The following NEB variants were observed in gnomAD, a reference collection of about 807,000 sequenced individuals.
The protein encoded by NEB is nebulin.
In NEB, 512 loss-of-function variants were observed where a neutral mutation model predicts 952.2. The ratio of observed to expected loss-of-function variants is 0.54; its 90% CI spans 0.50 to 0.58. The LOEUF (loss-of-function observed/expected upper bound fraction) is 0.58, where lower values mean the gene tolerates loss of function less well. Among genes scored for constraint, NEB ranks in the 20% least tolerant of loss-of-function variants. The pLI is 0.00. For synonymous variants in NEB, 2,900 were observed against 3,149.8 expected, an observed-to-expected ratio of 0.92 and a Z score of 2.66; for missense variants, 8,428 against 9,231.1, an observed-to-expected ratio of 0.91 and a Z score of 3.56.
rs543770578 is a variant in NEB, at chr2:151,643,151, T to G, written c.8159A>C (p.His2720Pro). 6.2e-7 allele frequency: 1 copy of G among 1,609,968 alleles called. No homozygotes were observed. Among genetic ancestry groups the G allele is most frequent in the Non-Finnish European group, 8.5e-7 (1 of 1,176,796 alleles). Reference protein sequence around the residue: ...LAKNNAITMNHRLYTEAWDKD... With the variant: ...LAKNNAITMNPRLYTEAWDKD... ...TCCTCAAACAAACATAGGACTTACA[T>G]GATTCATGGTAATAGCATTGTTTTT... The change falls in exon 58 of 182, where the codon CAT becomes CCT. Residue 2720 changes from histidine to proline, a missense_variant and splice_region_variant. His to Pro is a moderately conservative substitution (Grantham distance 77). Around this residue, in one of 11 missense-constraint regions of NEB, gnomAD observed 1,772 missense variants for 1,960.3 expected, o/e 0.90. Transcript: ENST00000397345.
At position 151,502,896 on chromosome 2, in the gene NEB, C is replaced by A. The variant is rs1429052380; in HGVS notation, c.23836-11G>T. ...TTCTTTGTACAAAACCTGTGAGATA[C>A]AAGAAAGTACCCAGAGGACATTTAA... On this transcript the variant is annotated splice_polypyrimidine_tract_variant and intron_variant, in intron 166 of 181. Coordinates refer to ENST00000397345, the MANE Select transcript of NEB (RefSeq NM_001164508.2). The A allele has an allele frequency of 6.7e-7, 1 of 1,488,698 alleles. No individual in the cohort carries two copies. Among genetic ancestry groups the A allele is most frequent in the Non-Finnish European group, 9.3e-7 (1 of 1,074,500 alleles). The allele number at this position is 1,488,698 out of a possible 1,614,324, so 92.2% of individuals were successfully genotyped here.
At position 151,629,680 on chromosome 2, in the gene NEB, G is replaced by A. The variant is rs182011930; in HGVS notation, c.9724-34C>T. ...AGAAAGGCAAAGAGTTAAAGCAAAA[G>A]GTTTGACATCAACAATTCAGAGATT... is the stretch of plus-strand genomic sequence containing the variant. On this transcript the variant is annotated intron_variant, in intron 67 of 181. Coordinates refer to ENST00000397345, the MANE Select transcript of NEB (RefSeq NM_001164508.2). The A allele has an allele frequency of 1.4e-5, 22 of 1,542,314 alleles. No homozygotes were observed. The South Asian group carries it at 2.1e-4, about 15-fold the overall frequency.
At chr2:151,644,908 C>T (rs973594019) in intron 55 of NEB, among the ~76,000 whole-genome samples, 6 of 152,150 alleles carry the variant, frequency 3.9e-5, no homozygotes, top group Admixed American at 6.5e-5. Context: ...CTAGATGGTA[C>T]GGCCTAGTAC....
At position 151,614,434 on chromosome 2, in the gene NEB, A is replaced by G. The variant is rs2153992410; in HGVS notation, c.11443T>C (p.Phe3815Leu). 3 of 1,613,854 alleles carry G rather than the reference A, an allele frequency of 1.9e-6. No homozygotes were observed. Among genetic ancestry groups the G allele is most frequent in the Non-Finnish European group, 2.5e-6 (3 of 1,179,836 alleles). The change falls in exon 77 of 182, where the codon TTC (phenylalanine) becomes CTC (leucine). Residue 3815 changes from phenylalanine to leucine, a missense_variant. This residue lies in a region of NEB where 1,772 missense variants were observed against 1,960.3 expected (regional missense o/e 0.90). Coordinates refer to ENST00000397345, the MANE Select transcript of NEB (RefSeq NM_001164508.2). Reference sequence around the variant, plus strand: ...CCCAGCATGTCCACTGGGCTGCTGAACTTGGTCTTCCACTTCTCAAACTCC... The same window carrying G: ...CCCAGCATGTCCACTGGGCTGCTGAGCTTGGTCTTCCACTTCTCAAACTCC... ...KKEFEKWKTK[F>L]SSPVDMLGVV...
At chr2:151,564,062 G>A (rs2096246294) in intron 117 of NEB, 132 bp from the exon 118 acceptor site, 1 of 650,122 alleles carries the variant, frequency 1.5e-6, no homozygotes, top group Non-Finnish European at 2.7e-6. Flanking sequence ...ATAGCCATTA[G>A]TGCATCTACC....
At chr2:151,680,708 T>TGTTA (rs2099408124) in intron 30 of NEB, 22 bp downstream of exon 30, 6 of 1,429,466 alleles carry the variant, frequency 4.2e-6, no homozygotes, top group Non-Finnish European at 5.9e-6. Flanking sequence ...TCTATTAACA[T>TGTTA]ATAGATAGCA....
rs749082898 is a variant in NEB, at chr2:151,525,958, A to G, written c.22161T>C (p.Asp7387=). 4 of 1,612,300 alleles carry G rather than the reference A, an allele frequency of 2.5e-6. No homozygotes were observed. Among genetic ancestry groups the G allele is most frequent in the Admixed American group, 1.7e-5 (1 of 60,000 alleles). Reference sequence around the variant, plus strand: ...AAGAGACCGGTGGTTGATCACTTACATCACTGACATGCTTGGTCACTTCCT... The same window carrying G: ...AAGAGACCGGTGGTTGATCACTTACGTCACTGACATGCTTGGTCACTTCCT... ...HVKEVTKHVS[D]TNYKKKFVKE... is the part of the protein sequence containing the mutation. The change falls in exon 150 of 182, where the codon GAT becomes GAC. Residue 7387 remains aspartate, a splice_region_variant and synonymous_variant. Coordinates refer to ENST00000397345, the MANE Select transcript of NEB (RefSeq NM_001164508.2).
At chr2:151,706,860 C>T (rs761930877) in intron 13 of NEB, 21 bp downstream of exon 13, 1 of 1,546,674 alleles carries the variant, frequency 6.5e-7, no homozygotes, top group South Asian at 1.2e-5. Context: ...TTTAAAAACA[C>T]TTTGACAAAA....
At chr2:151,720,577 A>G (rs1307183730) in intron 9 of NEB, among the ~76,000 whole-genome samples, 6 of 152,210 alleles carry the variant, frequency 3.9e-5, no homozygotes, top group African/African-American at 1.4e-4. Context: ...CATGTGGCCA[A>G]CTTTCATTGT....
rs371194689 is a variant in NEB, at chr2:151,552,672, G to A, written c.19836C>T (p.Asp6612=). 5.0e-5 allele frequency: 81 copies of A among 1,607,320 alleles called. No homozygotes were observed. Among genetic ancestry groups the A allele is most frequent in the Admixed American group, 6.7e-5 (4 of 59,880 alleles). ...CTTAACTTCCCCAGTGATCACTTAC[G>A]TCACTTAGCTGTTTCCCACTTTTGA... is the stretch of plus-strand genomic sequence containing the variant. ...QAVKSGKQLS[D]AVYHYDYVHS... is the part of the protein sequence containing the mutation. Residue 6612 remains aspartate, a splice_region_variant and synonymous_variant, in exon 128 of 182, where the codon GAC becomes GAT. Transcript: ENST00000397345.
In NEB at chr2:151,727,737, G is replaced by C; in HGVS notation, c.248C>G (p.Thr83Ser). 6.2e-7 allele frequency: 1 copy of C among 1,613,676 alleles called. No homozygotes were observed. The highest frequency in any genetic ancestry group is 8.5e-7 in the Non-Finnish European group (1 of 1,179,714). The change falls in exon 5 of 182, where the codon ACC becomes AGC. Residue 83 changes from threonine to serine, a missense_variant. By Grantham distance (58) the Thr-to-Ser change is moderately conservative (BLOSUM62 1). Coordinates refer to ENST00000397345, the MANE Select transcript of NEB (RefSeq NM_001164508.2). ...TTTCTGACTGTGTGCAATGTAGGGG[G>C]TCATGAACTTTGAAGGATCCACTTT... ...RKKVDPSKFM[T>S]PYIAHSQKMQ...
intron 178 of NEB, 103 bp downstream of exon 178, chr2:151,491,995 G>A (rs2056989112): frequency 5.5e-6 from 7 of 1,264,036 alleles, no homozygotes; most frequent in Non-Finnish European, 7.8e-6. Context: ...TAGAAAAACA[G>A]ATTGAAGTCC....
In NEB at chr2:151,569,300, GA is replaced by G; in HGVS notation, c.17502del (p.His5835MetfsTer18). 1 of 1,613,920 alleles carries G rather than the reference GA, an allele frequency of 6.2e-7. No individual in the cohort carries two copies. Among genetic ancestry groups the G allele is most frequent in the Non-Finnish European group, 8.5e-7 (1 of 1,179,822 alleles). The stretch of plus-strand genomic sequence containing the variant: ...AAGATGTCCGCGGCATGTTTGGCAT[GA>G]TTGACGGACACGGAGTCATTTGGCA... ...GWMPNDSVSV[N>X]HAKHAADIFS... On this transcript the variant is annotated frameshift_variant, in exon 110 of 182. Coordinates refer to ENST00000397345, the MANE Select transcript of NEB (RefSeq NM_001164508.2). LOFTEE classifies it high-confidence loss of function.
intron 32 of NEB, among the ~76,000 whole-genome samples, chr2:151,679,023 G>A (rs1004538899): frequency 9.2e-5 from 14 of 152,150 alleles, no homozygotes; most frequent in Admixed American, 7.9e-4. Context: ...ATACAGAGCA[G>A]CAAGAGGAGA....
intron 129 of NEB, among the ~76,000 whole-genome samples, chr2:151,550,733 G>A (rs896064491): frequency 1.3e-5 from 2 of 152,016 alleles, no homozygotes; most frequent in Admixed American, 6.6e-5. Flanking sequence ...GACCTCCCTG[G>A]GCTGAGGTAA....
chr2:151,686,363 A>G (rs1576330989), intron 27 of NEB, among the ~76,000 whole-genome samples: 1 of 152,348 alleles, frequency 6.6e-6, no homozygotes, highest in East Asian at 1.9e-4. Context: ...ATTAACAAAT[A>G]TTTATTAGGC....
At chr2:151,513,303 C>G (rs1020332400) in intron 160 of NEB, among the ~76,000 whole-genome samples, 1 of 152,160 alleles carries the variant, frequency 6.6e-6, no homozygotes, top group Non-Finnish European at 1.5e-5. Context: ...GCCAAGATGT[C>G]GAGTTTGCCC....
chr2:151,622,240 A>G (rs1305053998), intron 71 of NEB, among the ~76,000 whole-genome samples: 1 of 152,156 alleles, frequency 6.6e-6, no homozygotes, highest in Non-Finnish European at 1.5e-5. Context: ...CTCCTGCCTC[A>G]GCCTCCCAAA....
chr2:151,542,629 G>A (rs532675271), intron 135 of NEB, among the ~76,000 whole-genome samples: 1 of 152,156 alleles, frequency 6.6e-6, no homozygotes, highest in Admixed American at 6.5e-5. Context: ...CTCACTTTGT[G>A]ATATTCCTGA....
Sources: allele counts gnomAD v4.1 joint callset (sites outside exome capture counted in the v4.1 genomes callset), GRCh38; gene constraint gnomAD v4.1.1; regional missense constraint gnomAD v4.1.1; transcripts MANE v1.5; gene names NCBI Gene and HGNC (gene_info 2026-07-23, HGNC 2026-07-21).